The following DMD variants were observed in gnomAD, a reference collection of about 807,000 sequenced individuals.
DMD encodes mutant dystrophin.
DMD carries 63 observed loss-of-function variants against 330.1 expected under a neutral mutation model. The observed-to-expected ratio is 0.19, with a 90% CI of 0.16 to 0.24. DMD has a LOEUF of 0.24. DMD is among the 10% of genes least tolerant of loss of function. The pLI, the probability that DMD is intolerant of heterozygous loss-of-function variation, is 1.00. For synonymous variants in DMD, 1,223 were observed against 959.8 expected, an observed-to-expected ratio of 1.27 and a Z score of -5.07; for missense variants, 3,344 against 2,684.1, an observed-to-expected ratio of 1.25 and a Z score of -5.43.
intron 2 of DMD, among the ~76,000 whole-genome samples, chrX:32,942,379 C>T (rs1298473096): frequency 9.0e-6 from 1 of 110,977 alleles, no homozygotes; most frequent in Non-Finnish European, 1.9e-5. Context: ...CCCATCTCTA[C>T]TAAAAATACA....
intron 12 of DMD, among the ~76,000 whole-genome samples, chrX:32,598,349 T>A (rs1318625833): frequency 9.0e-6 from 1 of 111,587 alleles, no homozygotes; most frequent in Non-Finnish European, 1.9e-5. Flanking sequence ...TCCTTGACAG[T>A]CATGTTGAGT....
intron 37 of DMD, among the ~76,000 whole-genome samples, chrX:32,354,882 T>C (rs1304007165): frequency 9.0e-6 from 1 of 111,469 alleles, no homozygotes; most frequent in East Asian, 2.8e-4. Context: ...TGTCGACCTT[T>C]TATAAAGTTT....
At chrX:32,174,701 G>A (rs754621068) in intron 44 of DMD, among the ~76,000 whole-genome samples, 14 of 111,454 alleles carry the variant, frequency 1.3e-4, no homozygotes, top group Admixed American at 1.9e-4. Flanking sequence ...TAAAACTATT[G>A]CTCACGTATA....
chrX:31,663,708 G>T (rs1483243068), intron 53 of DMD, among the ~76,000 whole-genome samples: 14 of 111,175 alleles, frequency 1.3e-4, no homozygotes, highest in Non-Finnish European at 2.3e-4. Context: ...CTCTTTGTGT[G>T]TTCCAACTTC....
chrX:31,269,175 G>A (rs1309884964), intron 62 of DMD, among the ~76,000 whole-genome samples: 1 of 111,474 alleles, frequency 9.0e-6, no homozygotes, highest in Non-Finnish European at 1.9e-5. Flanking sequence ...CACAGAGACT[G>A]TTTTGTTGTT....
intron 67 of DMD, among the ~76,000 whole-genome samples, chrX:31,198,316 G>A (rs939650461): frequency 9.0e-6 from 1 of 111,602 alleles, no homozygotes; most frequent in South Asian, 3.8e-4. Flanking sequence ...ATTCCTGGGC[G>A]CAAGTGATCC....
intron 61 of DMD, among the ~76,000 whole-genome samples, chrX:31,333,720 T>C (rs1569528123): frequency 9.1e-6 from 1 of 110,326 alleles, no homozygotes; most frequent in East Asian, 2.8e-4. Flanking sequence ...TCCACAGACA[T>C]TTCCTGCTCA....
At chrX:31,802,081 A>G (rs974104291) in intron 50 of DMD, among the ~76,000 whole-genome samples, 2 of 111,339 alleles carry the variant, frequency 1.8e-5, no homozygotes, top group Non-Finnish European at 1.9e-5. Flanking sequence ...CAATGTGGAG[A>G]TAAGAGAGTA....
chrX:32,189,330 G>A (rs763015051), intron 44 of DMD, among the ~76,000 whole-genome samples: 2 of 104,733 alleles, frequency 1.9e-5, no homozygotes, highest in Admixed American at 1.0e-4. Context: ...AATTTTTAAC[G>A]TTGACAATGG....
chrX:32,263,850 C>A (rs1040471933), intron 43 of DMD, among the ~76,000 whole-genome samples: 1 of 111,633 alleles, frequency 9.0e-6, no homozygotes, highest in Admixed American at 9.5e-5. Flanking sequence ...CTCATTTATC[C>A]CTCAGCCATT....
intron 61 of DMD, among the ~76,000 whole-genome samples, chrX:31,338,854 C>T (rs773218654): frequency 9.5e-6 from 1 of 105,113 alleles, no homozygotes; most frequent in Non-Finnish European, 1.9e-5. Context: ...ATCCTTCCTG[C>T]TAAGTTTATG....
At chrX:31,122,732 C>T (rs1433497334) in intron 78 of DMD, among the ~76,000 whole-genome samples, 1 of 111,409 alleles carries the variant, frequency 9.0e-6, no homozygotes, top group Non-Finnish European at 1.9e-5. Flanking sequence ...TAGAGCTCCT[C>T]CTAAATGAGG....
chrX:32,335,439 G>A (rs561521571), intron 41 of DMD, among the ~76,000 whole-genome samples: 2 of 102,172 alleles, frequency 2.0e-5, no homozygotes, highest in South Asian at 4.2e-4. Context: ...TGTTATATAT[G>A]GATGTATATA....
intron 50 of DMD, among the ~76,000 whole-genome samples, chrX:31,778,937 C>G (rs1024997848): frequency 1.8e-5 from 2 of 111,679 alleles, no homozygotes; most frequent in African/African-American, 6.5e-5. Context: ...TTACCTTTAT[C>G]TAACACATAT....
At chrX:31,980,312 T>G (rs2219429) in intron 44 of DMD, among the ~76,000 whole-genome samples, 34,727 of 110,876 alleles carry the variant, frequency 0.31, 4,558 homozygotes, top group African/African-American at 0.5. Context: ...AAAAGGAGAA[T>G]AGATAAATAA....
chrX:32,332,924 G>A (rs1042705036), intron 41 of DMD, among the ~76,000 whole-genome samples: 1 of 109,804 alleles, frequency 9.1e-6, no homozygotes, highest in Non-Finnish European at 1.9e-5. Flanking sequence ...ATCAAGTCAC[G>A]AGGCTGGATG....
At chrX:33,309,861 C>T (rs2053823116) in intron 1 of DMD, among the ~76,000 whole-genome samples, 1 of 110,656 alleles carries the variant, frequency 9.0e-6, no homozygotes, top group African/African-American at 3.3e-5. Context: ...ATATAGGAGG[C>T]CTTCAGCTTG....
intron 47 of DMD, among the ~76,000 whole-genome samples, chrX:31,893,035 A>G (rs2094280755): frequency 8.9e-6 from 1 of 112,262 alleles, no homozygotes; most frequent in South Asian, 3.7e-4. Flanking sequence ...CTTTTATTCT[A>G]TAGTAGGAAT....
chrX:33,078,301 A>C (rs2094875885), intron 1 of DMD, among the ~76,000 whole-genome samples: 1 of 112,330 alleles, frequency 8.9e-6, no homozygotes, highest in African/African-American at 3.2e-5. Context: ...GAAGCATGCC[A>C]TTCCAGTCAA....
Sources: allele counts gnomAD v4.1 joint callset (sites outside exome capture counted in the v4.1 genomes callset), GRCh38; gene constraint gnomAD v4.1.1; transcripts MANE v1.5; gene names NCBI Gene and HGNC (gene_info 2026-07-23, HGNC 2026-07-21).